The following DYM variants were observed in gnomAD, a reference collection of about 807,000 sequenced individuals.
The protein encoded by DYM is dyggve-Melchior-Clausen syndrome protein.
In DYM, 78 loss-of-function variants were observed where a neutral mutation model predicts 93.1. The observed-to-expected ratio is 0.84, with a 90% CI of 0.70 to 1.01. The LOEUF is 1.01. Ranked by LOEUF, DYM falls within the 50% of genes least tolerant of loss-of-function variation. The pLI is 0.00. For missense variants in DYM, 789 were observed against 845.0 expected (o/e 0.93, Z 0.82); for synonymous variants, 321 against 319.7 (o/e 1.00, Z -0.04).
Position 49,096,765 on chromosome 18 carries a change from A to C in DYM, c.2025+637T>G, listed in dbSNP as rs572375078. Among the ~76,000 whole-genome samples, 124 of 152,200 alleles carry C rather than the reference A, an allele frequency of 8.1e-4. 1 individual carries two copies. Among genetic ancestry groups the C allele is most frequent in the Non-Finnish European group, 1.5e-3 (103 of 68,002 alleles). On this transcript the variant is annotated intron_variant, in intron 17 of 17. Transcript: ENST00000675505. ...CTTCTTCAAATACAGCACTTCCCCC[A>C]CCTTCTCCACGAAGTGCATCTCTTT...
intron 17 of DYM, among the ~76,000 whole-genome samples, chr18:49,084,658 T>C (rs887656073): frequency 1.3e-5 from 2 of 152,202 alleles, no homozygotes; most frequent in Non-Finnish European, 2.9e-5. Flanking sequence ...AATCTAGATG[T>C]CCACCAATAG....
chr18:49,265,906 T>G (rs899057022), intron 11 of DYM, among the ~76,000 whole-genome samples: 1 of 152,022 alleles, frequency 6.6e-6, no homozygotes, highest in Non-Finnish European at 1.5e-5. Flanking sequence ...AAAGGGCTGA[T>G]GGTAGACAAC....
intron 14 of DYM, among the ~76,000 whole-genome samples, chr18:49,187,921 T>C (rs1272780677): frequency 6.6e-6 from 1 of 152,078 alleles, no homozygotes; most frequent in African/African-American, 2.4e-5. Flanking sequence ...TGGAGAGAGA[T>C]ATCAAACTTC....
chr18:49,274,697 C>G (rs919489521), intron 10 of DYM, among the ~76,000 whole-genome samples: 8 of 152,124 alleles, frequency 5.3e-5, no homozygotes, highest in Admixed American at 6.6e-5. Flanking sequence ...TGGTATTTCG[C>G]TGTGATTTTG....
intron 2 of DYM, among the ~76,000 whole-genome samples, chr18:49,417,524 T>C (rs777314868): frequency 6.6e-6 from 1 of 151,698 alleles, no homozygotes; most frequent in Non-Finnish European, 1.5e-5. Context: ...AAAACCCAAA[T>C]GGTAAATCCA....
At position 49,315,181 on chromosome 18, in the gene DYM, C is replaced by T. The variant is rs570162027; in HGVS notation, c.763+16683G>A. Among the ~76,000 whole-genome samples the T allele has an allele frequency of 2.5e-4, 37 of 150,946 alleles. No homozygotes were observed. In the South Asian group the frequency reaches 5.9e-3, roughly 24 times the overall value. On this transcript the variant is annotated intron_variant, in intron 8 of 17. Transcript: ENST00000675505. ...AGTGAACTGAGATCACATTACTGCA[C>T]TCCAGCCTGGGTGACAGAGCAAGAC...
At chr18:49,172,697 C>A (rs896720211) in intron 14 of DYM, among the ~76,000 whole-genome samples, 4 of 151,998 alleles carry the variant, frequency 2.6e-5, no homozygotes, top group Admixed American at 2.6e-4. Flanking sequence ...AGTCTATGGC[C>A]TGTGGGTGGT....
intron 11 of DYM, among the ~76,000 whole-genome samples, chr18:49,268,781 T>G (rs1198287584): frequency 6.6e-6 from 1 of 152,072 alleles, no homozygotes; most frequent in African/African-American, 2.4e-5. Flanking sequence ...TTTTAAGATG[T>G]TTTTAAAAAT....
At chr18:49,199,715 G>A (rs961716310) in intron 14 of DYM, among the ~76,000 whole-genome samples, 6 of 152,166 alleles carry the variant, frequency 3.9e-5, no homozygotes, top group Admixed American at 3.9e-4. Flanking sequence ...TACAGATTAA[G>A]TGAATAGCAT....
At chr18:49,335,546 T>C (rs1461209470) in intron 6 of DYM, among the ~76,000 whole-genome samples, 1 of 152,262 alleles carries the variant, frequency 6.6e-6, no homozygotes, top group East Asian at 1.9e-4. Flanking sequence ...ACAAACTTGA[T>C]GTTTCATGTC....
At chr18:49,221,025 C>A (rs185314562) in intron 13 of DYM, among the ~76,000 whole-genome samples, 2 of 152,270 alleles carry the variant, frequency 1.3e-5, no homozygotes, top group African/African-American at 2.4e-5. Flanking sequence ...GGGCTAATAT[C>A]CGGAATCTAC....
intron 17 of DYM, among the ~76,000 whole-genome samples, chr18:49,056,747 C>A (rs1145320): frequency 6.6e-6 from 1 of 151,708 alleles, no homozygotes; most frequent in Non-Finnish European, 1.5e-5. Flanking sequence ...CGGGGTTTCA[C>A]CATGTTAGCC....
chr18:49,163,484 T>C (rs1452875947), intron 15 of DYM, among the ~76,000 whole-genome samples: 1 of 152,152 alleles, frequency 6.6e-6, no homozygotes, highest in East Asian at 1.9e-4. Flanking sequence ...TAGCTGGGAC[T>C]ACAGGTGTGC....
intron 6 of DYM, among the ~76,000 whole-genome samples, chr18:49,355,148 T>C (rs989067768): frequency 6.6e-6 from 1 of 151,988 alleles, no homozygotes; most frequent in Non-Finnish European, 1.5e-5. Context: ...ACTCTGTACA[T>C]GACAATGATA....
At chr18:49,353,424 A>C (rs1225534438) in intron 6 of DYM, among the ~76,000 whole-genome samples, 1 of 152,126 alleles carries the variant, frequency 6.6e-6, no homozygotes, top group Non-Finnish European at 1.5e-5. Context: ...AGTACAGATA[A>C]TACAAGTAAG....
At chr18:49,364,453 A>AAAAG (rs915274136) in intron 5 of DYM, among the ~76,000 whole-genome samples, 3 of 151,956 alleles carry the variant, frequency 2.0e-5, no homozygotes, top group South Asian at 2.1e-4. Context: ...TCAAAAAAAA[A>AAAAG]AAAGAAAGAA....
intron 14 of DYM, among the ~76,000 whole-genome samples, 181 bp from the exon 15 acceptor site, chr18:49,163,968 G>A (rs1356485186): frequency 2.0e-5 from 3 of 152,004 alleles, no homozygotes; most frequent in Non-Finnish European, 4.4e-5. Flanking sequence ...AAAAGGAGTG[G>A]GGAGGATGTT....
intron 1 of DYM, among the ~76,000 whole-genome samples, chr18:49,441,223 T>TATATAA (rs1216854633): frequency 7.3e-5 from 2 of 27,542 alleles, no homozygotes; most frequent in East Asian, 4.5e-3. Flanking sequence ...TTATATATAA[T>TATATAA]TATATTATAT....
intron 6 of DYM, among the ~76,000 whole-genome samples, chr18:49,337,227 G>A (rs375822484): frequency 3.9e-5 from 6 of 152,124 alleles, no homozygotes; most frequent in African/African-American, 1.4e-4. Flanking sequence ...AAATGTAAAG[G>A]GAATTTCATG....
Sources: gnomAD v4.1 joint callset for allele counts (sites outside exome capture counted in the v4.1 genomes callset) on GRCh38, gnomAD v4.1.1 for gene constraint, MANE v1.5 for transcripts, NCBI Gene and HGNC (gene_info 2026-07-23, HGNC 2026-07-21) for gene names.